Variants in ZDHHC14 observed in about 807,000 individuals in gnomAD.
The protein encoded by ZDHHC14 is zDHHC palmitoyltransferase 14, also known as palmitoyltransferase ZDHHC14.
A neutral mutation model predicts 47.7 loss-of-function variants in ZDHHC14; 16 were observed. The ratio of observed to expected loss-of-function variants is 0.34; its 90% confidence interval spans 0.23 to 0.51. The LOEUF is 0.51. ZDHHC14 is among the 20% of genes least tolerant of loss of function. The pLI is 0.97. For missense variants in ZDHHC14, 515 were observed against 662.5 expected, an observed-to-expected ratio of 0.78 and a Z score of 2.44; for synonymous variants, 293 against 278.9, an observed-to-expected ratio of 1.05 and a Z score of -0.50.
rs374219170 is a variant in ZDHHC14 at position 157,482,657 on chromosome 6, G to T, written c.246-59928G>T. On this transcript the variant is annotated intron_variant, in intron 1 of 8. Transcript: ENST00000359775. ...GCCTGTCCAGGCCCCAGCTTAATTGGTCTGAATTGTTGCTCTCAGTGTGAA... is the reference window on the plus strand; with the variant it reads ...GCCTGTCCAGGCCCCAGCTTAATTGTTCTGAATTGTTGCTCTCAGTGTGAA... 3.3e-5 allele frequency among the ~76,000 whole-genome samples: 5 copies of T among 152,206 alleles called. No homozygotes were observed. The East Asian group carries it at 7.7e-4, about 23-fold the overall frequency.
chr6:157,622,359 C>T (rs531944001), intron 3 of ZDHHC14, among the ~76,000 whole-genome samples: 1 of 152,242 alleles, frequency 6.6e-6, no homozygotes, highest in East Asian at 1.9e-4. Context: ...CCATTGCACT[C>T]CAGCCTGGGC....
chr6:157,563,305 G>C (rs1352776886), intron 2 of ZDHHC14, among the ~76,000 whole-genome samples: 1 of 152,232 alleles, frequency 6.6e-6, no homozygotes, highest in African/African-American at 2.4e-5. Flanking sequence ...GCCTGCCTGG[G>C]CGTTAAGCGT....
Position 157,433,035 on chromosome 6 carries a change from A to G in ZDHHC14, c.245+50769A>G, listed in dbSNP as rs948205644. ...TCTGCTGCCGTCGCCATGGGGCTAC[A>G]GCATCTCACCGCCCAAGAGCGGTGT... On this transcript the variant is annotated intron_variant, in intron 1 of 8. Transcript: ENST00000359775. Among the ~76,000 whole-genome samples, 6 of 152,374 alleles carry G rather than the reference A, an allele frequency of 3.9e-5. No homozygotes were observed. In the East Asian group the frequency reaches 9.6e-4, roughly 24 times the overall value.
intron 2 of ZDHHC14, among the ~76,000 whole-genome samples, chr6:157,555,491 A>G (rs766518628): frequency 4.6e-5 from 7 of 152,230 alleles, no homozygotes; most frequent in Non-Finnish European, 7.3e-5. Context: ...GATATCCCAG[A>G]CATGTAATGA....
intron 2 of ZDHHC14, among the ~76,000 whole-genome samples, chr6:157,554,680 T>C (rs902362890): frequency 4.6e-5 from 7 of 152,224 alleles, no homozygotes; most frequent in African/African-American, 1.7e-4. Context: ...ATCCATCTTA[T>C]TTATTTTATT....
At chr6:157,392,169 G>A (rs1777430772) in intron 1 of ZDHHC14, among the ~76,000 whole-genome samples, 1 of 152,022 alleles carries the variant, frequency 6.6e-6, no homozygotes, top group Non-Finnish European at 1.5e-5. Flanking sequence ...GGATTCATTG[G>A]CTTTTATGTG....
chr6:157,625,887 G>A (rs1302993652), intron 3 of ZDHHC14, among the ~76,000 whole-genome samples: 1 of 152,058 alleles, frequency 6.6e-6, no homozygotes, highest in Non-Finnish European at 1.5e-5. Context: ...CAGGGCTACC[G>A]GAGAGCCAGG....
At chr6:157,606,327 A>G (rs1297428263) in intron 3 of ZDHHC14, among the ~76,000 whole-genome samples, 1 of 152,124 alleles carries the variant, frequency 6.6e-6, no homozygotes, top group South Asian at 2.1e-4. Flanking sequence ...TTAGCTGGGC[A>G]TGGTGGTGGC....
chr6:157,469,002 A>T (rs914996876), intron 1 of ZDHHC14, among the ~76,000 whole-genome samples: 2 of 152,192 alleles, frequency 1.3e-5, no homozygotes, highest in Admixed American at 1.3e-4. Context: ...TATTTCTGGG[A>T]GGGAAGAGGT....
At chr6:157,460,911 G>C (rs1379108573) in intron 1 of ZDHHC14, among the ~76,000 whole-genome samples, 1 of 152,182 alleles carries the variant, frequency 6.6e-6, no homozygotes, top group Non-Finnish European at 1.5e-5. Context: ...AGCACGGGTT[G>C]GCAACAGGAG....
At chr6:157,478,826 G>C (rs1779550493) in intron 1 of ZDHHC14, among the ~76,000 whole-genome samples, 1 of 152,192 alleles carries the variant, frequency 6.6e-6, no homozygotes, top group Admixed American at 6.6e-5. Context: ...GAAAAAATTA[G>C]ATGGAAGATT....
intron 1 of ZDHHC14, among the ~76,000 whole-genome samples, chr6:157,405,598 A>T (rs1056465656): frequency 1.3e-5 from 2 of 151,520 alleles, no homozygotes; most frequent in Non-Finnish European, 2.9e-5. Context: ...GGTCAGAAAA[A>T]CCTCTCCAAG....
intron 1 of ZDHHC14, among the ~76,000 whole-genome samples, chr6:157,384,535 G>T (rs571613869): frequency 6.6e-6 from 1 of 152,280 alleles, no homozygotes; most frequent in East Asian, 1.9e-4. Flanking sequence ...GGGAGCGTAT[G>T]TGTGTATATG....
chr6:157,479,300 A>C (rs1404242088), intron 1 of ZDHHC14, among the ~76,000 whole-genome samples: 1 of 152,240 alleles, frequency 6.6e-6, no homozygotes, highest in Non-Finnish European at 1.5e-5. Flanking sequence ...TGTGATTGGC[A>C]CATCCTAAGT....
intron 3 of ZDHHC14, among the ~76,000 whole-genome samples, chr6:157,601,680 A>G (rs1209271673): frequency 6.6e-6 from 1 of 152,234 alleles, no homozygotes; most frequent in Non-Finnish European, 1.5e-5. Context: ...ACCTAGAACG[A>G]TGCAAGGAAA....
chr6:157,613,796 C>A lies in ZDHHC14; in HGVS notation c.566-14553C>A, dbSNP rs578256284. 7.9e-5 allele frequency among the ~76,000 whole-genome samples: 12 copies of A among 152,128 alleles called. No individual in the cohort carries two copies. In the South Asian group the frequency reaches 2.3e-3, roughly 29 times the overall value. On this transcript the variant is annotated intron_variant, in intron 3 of 8. Transcript: ENST00000359775. ...AGGAATAGGCTTCGGGAAATTGTACCTAAAATGTGTGAGTGCACGAGAGTG... is the reference window on the plus strand; with the variant it reads ...AGGAATAGGCTTCGGGAAATTGTACATAAAATGTGTGAGTGCACGAGAGTG...
chr6:157,604,598 A>C (rs994095285), intron 3 of ZDHHC14, among the ~76,000 whole-genome samples: 8 of 144,834 alleles, frequency 5.5e-5, no homozygotes, highest in African/African-American at 2.1e-4. Flanking sequence ...CCCAGGCTGG[A>C]GTGCAGTGGC....
chr6:157,553,455 C>A (rs1198427574), intron 2 of ZDHHC14, among the ~76,000 whole-genome samples: 1 of 152,118 alleles, frequency 6.6e-6, no homozygotes, highest in African/African-American at 2.4e-5. Flanking sequence ...TGTTCACACA[C>A]TCTGTGAAAA....
intron 1 of ZDHHC14, among the ~76,000 whole-genome samples, chr6:157,456,900 C>T (rs1173513212): frequency 6.6e-6 from 1 of 151,950 alleles, no homozygotes; most frequent in Non-Finnish European, 1.5e-5. Flanking sequence ...GTAATCCCAG[C>T]CCCTTCGGAA....
Sources: gnomAD v4.1 joint callset for allele counts (sites outside exome capture counted in the v4.1 genomes callset) on GRCh38, gnomAD v4.1.1 for gene constraint, MANE v1.5 for transcripts, NCBI Gene and HGNC (gene_info 2026-07-23, HGNC 2026-07-21) for gene names.